The following HMGA2 variants were observed in gnomAD, a reference collection of about 807,000 sequenced individuals.
The protein encoded by HMGA2 is high mobility group AT-hook 2, also known as high mobility group protein HMGI-C.
A neutral mutation model predicts 19.1 loss-of-function variants in HMGA2; 8 were observed. The ratio of observed to expected loss-of-function variants is 0.42; its 90% CI spans 0.25 to 0.76. HMGA2 has a LOEUF of 0.76. Ranked by LOEUF, HMGA2 falls within the 30% of genes least tolerant of loss-of-function variation. The probability of loss-of-function intolerance (pLI) is 0.28; values close to 1 mark genes in which losing one functional copy is unlikely to be tolerated. For synonymous variants in HMGA2, 60 were observed against 48.8 expected, an observed-to-expected ratio of 1.23 and a Z score of -0.96; for missense variants, 109 against 136.3, an observed-to-expected ratio of 0.80 and a Z score of 1.00.
intron 3 of HMGA2, chr12:65,942,598 GAA>G (rs1565738936): frequency 6.6e-6 from 1 of 152,110 alleles, no homozygotes; most frequent in Non-Finnish European, 1.5e-5. Context: ...AAAATGAGAT[GAA>G]AAGTCAACTT....
chr12:65,899,005 C>T (rs1565726125), intron 3 of HMGA2, among the ~76,000 whole-genome samples: 1 of 135,782 alleles, frequency 7.4e-6, no homozygotes, highest in Non-Finnish European at 1.5e-5. Flanking sequence ...GATCGTGCCA[C>T]GGCACTCCAG....
At chr12:65,917,862 T>G (rs1028162671) in intron 3 of HMGA2, among the ~76,000 whole-genome samples, 1 of 152,250 alleles carries the variant, frequency 6.6e-6, no homozygotes, top group African/African-American at 2.4e-5. Context: ...GTGTATCTCT[T>G]TAGTACCTAA....
chr12:65,906,327 G>T (rs1874591226), intron 3 of HMGA2, among the ~76,000 whole-genome samples: 1 of 152,132 alleles, frequency 6.6e-6, no homozygotes, highest in Admixed American at 6.5e-5. Flanking sequence ...GTCACTTGGG[G>T]GGTCAGTGCC....
At chr12:65,916,788 G>T (rs755924966) in intron 3 of HMGA2, among the ~76,000 whole-genome samples, 1 of 152,198 alleles carries the variant, frequency 6.6e-6, no homozygotes, top group African/African-American at 2.4e-5. Flanking sequence ...AGTTACTAGG[G>T]CTTAGTAGAA....
At chr12:65,870,463 G>T (rs988343961) in intron 3 of HMGA2, among the ~76,000 whole-genome samples, 1 of 152,182 alleles carries the variant, frequency 6.6e-6, no homozygotes, top group African/African-American at 2.4e-5. Flanking sequence ...AGGCGTGGTG[G>T]CTCACACCTG....
chr12:65,850,862 T>C (rs1159947345), intron 3 of HMGA2, among the ~76,000 whole-genome samples: 1 of 152,208 alleles, frequency 6.6e-6, no homozygotes, highest in Non-Finnish European at 1.5e-5. Context: ...TTCATGAGCA[T>C]CCTTGACAGT....
chr12:65,836,683 T>G (rs911635683), intron 2 of HMGA2, among the ~76,000 whole-genome samples: 11 of 152,194 alleles, frequency 7.2e-5, no homozygotes, highest in African/African-American at 2.4e-4. Context: ...ACTCTGGGCT[T>G]TCGCTAAATT....
At chr12:65,910,203 C>T (rs1350168538) in intron 3 of HMGA2, among the ~76,000 whole-genome samples, 1 of 152,168 alleles carries the variant, frequency 6.6e-6, no homozygotes, top group Non-Finnish European at 1.5e-5. Flanking sequence ...TGAAAACATG[C>T]TCCTTTCTCT....
At chr12:65,922,218 C>T (rs112204843) in intron 3 of HMGA2, among the ~76,000 whole-genome samples, 7,107 of 152,254 alleles carry the variant, frequency 0.047, 216 homozygotes, top group Middle Eastern at 0.11. Flanking sequence ...CTACTGACAG[C>T]TTTCACTATG....
intron 3 of HMGA2, among the ~76,000 whole-genome samples, chr12:65,948,762 C>T (rs1051916669): frequency 6.6e-6 from 1 of 152,170 alleles, no homozygotes; most frequent in Non-Finnish European, 1.5e-5. Context: ...GGCCGGGAGC[C>T]AGGGCTGGCA....
chr12:65,915,256 C>T, intron 3 of HMGA2: 2 of 1,530,588 alleles, frequency 1.3e-6, no homozygotes, highest in South Asian at 2.4e-5. Flanking sequence ...TCTTTTAGAT[C>T]ATTTCAAAAC....
chr12:65,951,580 G>T, intron 4 of HMGA2, 165 bp downstream of exon 4: 1 of 573,002 alleles, frequency 1.7e-6, no homozygotes, highest in Non-Finnish European at 3.1e-6. Context: ...GGAATATATA[G>T]TCTGCAATCG....
rs1870131843 is a variant in HMGA2 at position 65,825,695 on chromosome 12, C to A, written c.111+314C>A. Among the ~76,000 whole-genome samples, 1 of 152,124 alleles carries A rather than the reference C, an allele frequency of 6.6e-6. No homozygotes were observed. Among genetic ancestry groups the A allele is most frequent in the Non-Finnish European group, 1.5e-5 (1 of 68,022 alleles). ...CGAGTGGCGCGGTGTCGCCCAGTGA[C>A]TGGAAGCGACCGGGATCCGACAAAC... On this transcript the variant is annotated intron_variant, in intron 1 of 4. Coordinates refer to ENST00000403681, the MANE Select transcript of HMGA2 (RefSeq NM_003483.6). This position sits in a 1 kb window ranked among gnomAD's most constrained non-coding sequence, Gnocchi z 4.4.
At chr12:65,924,543 A>G (rs1453830935) in intron 3 of HMGA2, among the ~76,000 whole-genome samples, 2 of 152,178 alleles carry the variant, frequency 1.3e-5, no homozygotes, top group African/African-American at 4.8e-5. Context: ...CACGCCTGTA[A>G]TCCCAGCACT....
chr12:65,897,831 G>T (rs115191478), intron 3 of HMGA2, among the ~76,000 whole-genome samples: 4,273 of 152,030 alleles, frequency 0.028, 212 homozygotes, highest in African/African-American at 0.098. Context: ...ATGGTGGCAC[G>T]CCCCTGTTGT....
At chr12:65,902,907 T>G (rs1260675315) in intron 3 of HMGA2, among the ~76,000 whole-genome samples, 4 of 152,150 alleles carry the variant, frequency 2.6e-5, no homozygotes, top group Non-Finnish European at 2.9e-5. Flanking sequence ...CAGTACTAAT[T>G]CAAAATTTTA....
chr12:65,854,817 A>T (rs1296627550), intron 3 of HMGA2, among the ~76,000 whole-genome samples: 2 of 152,218 alleles, frequency 1.3e-5, no homozygotes, highest in African/African-American at 2.4e-5. Flanking sequence ...TTCTCTAAGT[A>T]CACAAGAACT....
intron 3 of HMGA2, chr12:65,876,846 T>C (rs925820177): frequency 9.8e-5 from 15 of 152,304 alleles, no homozygotes; most frequent in African/African-American, 3.4e-4. Flanking sequence ...GCCCAGTATT[T>C]GCCACAGAAG....
At chr12:65,891,551 T>C (rs915843901) in intron 3 of HMGA2, among the ~76,000 whole-genome samples, 1 of 152,224 alleles carries the variant, frequency 6.6e-6, no homozygotes, top group Non-Finnish European at 1.5e-5. Flanking sequence ...TGACAAATGT[T>C]TCATCAACAT....
Sources: allele counts gnomAD v4.1 joint callset (sites outside exome capture counted in the v4.1 genomes callset), GRCh38; gene constraint gnomAD v4.1.1; non-coding constraint Gnocchi (gnomAD v3.1); transcripts MANE v1.5; gene names NCBI Gene and HGNC (gene_info 2026-07-23, HGNC 2026-07-21).